Variants in TRPC5 observed in about 807,000 individuals in gnomAD.
TRPC5 encodes transient receptor potential cation channel subfamily C member 5, also known as short transient receptor potential channel 5.
TRPC5 carries 9 observed loss-of-function variants against 56.5 expected under a neutral mutation model. The observed-to-expected ratio is 0.16, with a 90% CI of 0.10 to 0.28. The LOEUF (loss-of-function observed/expected upper bound fraction) is 0.28, where lower values mean the gene tolerates loss of function less well. TRPC5 is among the 10% of genes least tolerant of loss of function. TRPC5 has a pLI of 1.00. For missense variants in TRPC5, 469 were observed against 748.9 expected (o/e 0.63, Z 4.36); for synonymous variants, 282 against 278.5 (o/e 1.01, Z -0.13).
rs1352387505 is a variant in TRPC5, at chrX:111,775,959, C to T, written c.*354G>A. On this transcript the variant is annotated 3_prime_UTR_variant, in exon 11 of 11. Transcript: ENST00000262839. The stretch of plus-strand genomic sequence containing the variant: ...TTCTGAGGATGGTCAGGAATCTGTG[C>T]GGCAACAAGACCAGCAAAGTGGCAC... The T allele has an allele frequency of 1.3e-5, 2 of 148,273 alleles. No individual in the cohort carries two copies. Among genetic ancestry groups the T allele is most frequent in the African/African-American group, 3.1e-5 (1 of 31,830 alleles). 12.2% of individuals were successfully genotyped at this position (148,273 alleles called of 1,213,427 possible). A position where few individuals can be genotyped will look rare whatever the true frequency, so the allele number is the denominator to read the frequency against.
intron 3 of TRPC5, among the ~76,000 whole-genome samples, chrX:111,907,077 C>T (rs2148618017): frequency 9.3e-6 from 1 of 107,253 alleles, no homozygotes; most frequent in African/African-American, 3.4e-5. Context: ...CTTGTCCATT[C>T]CCCTACAGGC....
At chrX:111,855,034 C>T (rs1274806123) in intron 3 of TRPC5, among the ~76,000 whole-genome samples, 1 of 112,198 alleles carries the variant, frequency 8.9e-6, no homozygotes, top group Non-Finnish European at 1.9e-5. Context: ...CAACTGTCAA[C>T]TATGATTTTA....
At position 112,082,421 on chromosome X, in the gene TRPC5, C is replaced by T. The variant is rs1377865893; in HGVS notation, c.-564G>A. Reference sequence around the variant, plus strand: ...AGAGAGAGAAAAAAAGAGAGAGAGCCGCATTCACACTCTTACACGCACACT... The same window carrying T: ...AGAGAGAGAAAAAAAGAGAGAGAGCTGCATTCACACTCTTACACGCACACT... On this transcript the variant is annotated 5_prime_UTR_variant, in exon 1 of 11. Transcript: ENST00000262839. 1 of 109,555 alleles carries T rather than the reference C, an allele frequency of 9.1e-6. No individual in the cohort carries two copies. Among genetic ancestry groups the T allele is most frequent in the African/African-American group, 3.3e-5 (1 of 30,023 alleles). 9.0% of individuals were successfully genotyped at this position (109,555 alleles called of 1,213,427 possible).
intron 1 of TRPC5, among the ~76,000 whole-genome samples, chrX:112,080,395 T>TACACAC (rs201063739): frequency 0.023 from 1,856 of 79,117 alleles, 30 homozygotes; most frequent in Non-Finnish European, 0.026. Flanking sequence ...AAAAACTACA[T>TACACAC]ACACACACAC....
At chrX:111,862,948 A>C (rs1353455545) in intron 3 of TRPC5, among the ~76,000 whole-genome samples, 1 of 111,988 alleles carries the variant, frequency 8.9e-6, no homozygotes, top group African/African-American at 3.2e-5. Context: ...GCTACTGTAA[A>C]TGGAATTGTT....
chrX:111,939,866 AT>A (rs1183916717), intron 2 of TRPC5, among the ~76,000 whole-genome samples: 3 of 109,698 alleles, frequency 2.7e-5, no homozygotes, highest in African/African-American at 9.9e-5. Context: ...GACCTTTTCT[AT>A]TTTTTGTTTC....
chrX:111,900,364 T>G (rs1464352845), intron 3 of TRPC5, among the ~76,000 whole-genome samples: 1 of 111,486 alleles, frequency 9.0e-6, no homozygotes. Flanking sequence ...AGCCAGAAAT[T>G]TAACATGTAG....
chrX:111,840,602 G>A (rs1922704152), intron 6 of TRPC5, among the ~76,000 whole-genome samples: 1 of 111,731 alleles, frequency 9.0e-6, no homozygotes, highest in African/African-American at 3.2e-5. Flanking sequence ...CGTCTATAAA[G>A]TAGAGACTAT....
chrX:111,828,043 C>A (rs1922293080), intron 7 of TRPC5, among the ~76,000 whole-genome samples: 1 of 112,052 alleles, frequency 8.9e-6, no homozygotes, highest in Non-Finnish European at 1.9e-5. Context: ...GGAGAAGAAT[C>A]TGCTTCCAAG....
At chrX:112,071,238 G>A (rs1313497764) in intron 1 of TRPC5, among the ~76,000 whole-genome samples, 2 of 110,434 alleles carry the variant, frequency 1.8e-5, no homozygotes, top group Non-Finnish European at 3.8e-5. Context: ...ACCTGCGGTG[G>A]TCAAGGCCGC....
intron 1 of TRPC5, among the ~76,000 whole-genome samples, chrX:112,039,755 C>T (rs759014566): frequency 2.7e-5 from 3 of 111,593 alleles, no homozygotes; most frequent in East Asian, 2.8e-4. Flanking sequence ...ACAGGGACAA[C>T]GAAAACAGCA....
At chrX:112,050,047 G>A (rs1373068913) in intron 1 of TRPC5, among the ~76,000 whole-genome samples, 2 of 111,801 alleles carry the variant, frequency 1.8e-5, no homozygotes, top group Non-Finnish European at 3.8e-5. Flanking sequence ...GTGGTGGTGC[G>A]TGCCTGTAAT....
chrX:111,789,244 C>T (rs762455317), intron 7 of TRPC5, among the ~76,000 whole-genome samples: 1 of 111,430 alleles, frequency 9.0e-6, no homozygotes, highest in Admixed American at 9.5e-5. Context: ...AGAACAGAGG[C>T]CTCAGAAATA....
chrX:112,061,422 G>C (rs931574716), intron 1 of TRPC5, among the ~76,000 whole-genome samples: 4 of 111,720 alleles, frequency 3.6e-5, no homozygotes, highest in African/African-American at 1.3e-4. Context: ...AGAATGAAAA[G>C]CCATGTCTGA....
chrX:111,785,122 C>G (rs765126206), intron 7 of TRPC5, among the ~76,000 whole-genome samples: 1 of 112,457 alleles, frequency 8.9e-6, no homozygotes, highest in Non-Finnish European at 1.9e-5. Context: ...TCAAGTGGGA[C>G]CCTGACCCTC....
chrX:111,945,832 C>T (rs1926919977), intron 2 of TRPC5, among the ~76,000 whole-genome samples: 1 of 112,051 alleles, frequency 8.9e-6, no homozygotes, highest in Admixed American at 9.5e-5. Context: ...GCCCAATATC[C>T]TGGAAAGATA....
rs376304878 is a variant in TRPC5, at chrX:111,994,452, A to T, written c.-21-42011T>A. The stretch of plus-strand genomic sequence containing the variant: ...CAATTCTGTGAAGAAAGTCATTGGT[A>T]GCTTGATGGGGATGGCATTGAATCT... On this transcript the variant is annotated intron_variant, in intron 1 of 10. Transcript: ENST00000262839. Among the ~76,000 whole-genome samples the T allele has an allele frequency of 4.5e-5, 5 of 111,654 alleles. No homozygotes were observed. The South Asian group carries it at 1.9e-3, about 43-fold the overall frequency.
intron 1 of TRPC5, among the ~76,000 whole-genome samples, chrX:112,008,747 C>T (rs1206975294): frequency 8.9e-6 from 1 of 111,777 alleles, no homozygotes; most frequent in African/African-American, 3.3e-5. Context: ...TACGTAATAA[C>T]ATAATTGTGA....
chrX:112,061,334 G>A (rs1391727437), intron 1 of TRPC5, among the ~76,000 whole-genome samples: 1 of 111,719 alleles, frequency 9.0e-6, no homozygotes, highest in Non-Finnish European at 1.9e-5. Context: ...AAGTCCTGGG[G>A]GTATCCTTGG....
Sources: allele counts gnomAD v4.1 joint callset (sites outside exome capture counted in the v4.1 genomes callset), GRCh38; gene constraint gnomAD v4.1.1; transcripts MANE v1.5; gene names NCBI Gene and HGNC (gene_info 2026-07-23, HGNC 2026-07-21).